MYO5C: variants seen among roughly 807,000 people sequenced by gnomAD.
MYO5C encodes myosin VC, also known as unconventional myosin-Vc.
In MYO5C, 194 loss-of-function variants were observed where a neutral mutation model predicts 235.7. The ratio of observed to expected loss-of-function variants is 0.82; its 90% CI spans 0.73 to 0.93. The LOEUF (loss-of-function observed/expected upper bound fraction) is 0.93. Ranked by LOEUF, MYO5C falls within the 40% of genes least tolerant of loss-of-function variation. The pLI is 0.00. For missense variants in MYO5C, 2,038 were observed against 2,127.2 expected, an observed-to-expected ratio of 0.96 and a Z score of 0.82; for synonymous variants, 707 against 754.8, an observed-to-expected ratio of 0.94 and a Z score of 1.04.
rs1273583349 is a variant in MYO5C at position 52,256,620 on chromosome 15, A to T, written c.1395+19T>A. 6.4e-7 allele frequency: 1 copy of T among 1,555,076 alleles called. No homozygotes were observed. The highest frequency in any genetic ancestry group is 8.7e-7 in the Non-Finnish European group (1 of 1,145,544). The stretch of plus-strand genomic sequence containing the variant: ...GCGCGCGGCTGAGAACTAGTCAAGA[A>T]GGCAGAAAGGTCACCTACCATGTTA... On this transcript the variant is annotated intron_variant, in intron 11 of 40. Transcript: ENST00000261839.
chr15:52,245,736 G>A (rs1210892260), intron 17 of MYO5C, among the ~76,000 whole-genome samples: 3 of 152,230 alleles, frequency 2.0e-5, no homozygotes, highest in South Asian at 2.1e-4. Flanking sequence ...ACCAGCAGCC[G>A]AGATGCAGTG....
At position 52,193,052 on chromosome 15, in the gene MYO5C, A is replaced by G. The variant is rs1286885190; in HGVS notation, c.*850T>C. ...AAGGGTCAGCCGGGCGCGGTGGCAC[A>G]CGCCTGTAATCCTAGCACTTTGGGA... On this transcript the variant is annotated 3_prime_UTR_variant, in exon 41 of 41. Transcript: ENST00000261839. 1 of 152,174 alleles carries G rather than the reference A, an allele frequency of 6.6e-6. No homozygotes were observed. Among genetic ancestry groups the G allele is most frequent in the Non-Finnish European group, 1.5e-5 (1 of 68,040 alleles). 9.4% of individuals were successfully genotyped at this position (152,174 alleles called of 1,614,324 possible). A position where few individuals can be genotyped will look rare whatever the true frequency, so the allele number is the denominator to read the frequency against.
At chr15:52,210,875 C>T (rs1295208211) in intron 35 of MYO5C, among the ~76,000 whole-genome samples, 1 of 152,200 alleles carries the variant, frequency 6.6e-6, no homozygotes, top group Non-Finnish European at 1.5e-5. Flanking sequence ...TGTTAGCCTT[C>T]ACAAAATCCC....
chr15:52,228,024 C>A (rs2035866744), intron 25 of MYO5C, among the ~76,000 whole-genome samples: 1 of 152,220 alleles, frequency 6.6e-6, no homozygotes, highest in South Asian at 2.1e-4. Context: ...GGAAACAATT[C>A]ACTTAAGCCT....
intron 15 of MYO5C, among the ~76,000 whole-genome samples, 153 bp downstream of exon 15, chr15:52,247,305 C>T (rs2036370983): frequency 6.6e-6 from 1 of 152,122 alleles, no homozygotes; most frequent in African/African-American, 2.4e-5. Context: ...AGTATGACGA[C>T]GATGAACTTT....
chr15:52,256,587 A>ACACACACACACACACACACACACG, intron 11 of MYO5C, 52 bp downstream of exon 11: 5 of 567,790 alleles, frequency 8.8e-6, no homozygotes, highest in African/African-American at 7.8e-5. Flanking sequence ...ACACACACAC[A>ACACACACACACACACACACACACG]CGCGCGCGCG....
At chr15:52,277,957 G>T (rs139418968) in intron 4 of MYO5C, 1 of 456,014 alleles carries the variant, frequency 2.2e-6, no homozygotes, top group Non-Finnish European at 4.4e-6. Context: ...CAGGAGCTGC[G>T]GCTGGGGTTA....
At chr15:52,238,095 T>C (rs749571517) in intron 21 of MYO5C, among the ~76,000 whole-genome samples, 3 of 152,036 alleles carry the variant, frequency 2.0e-5, no homozygotes, top group African/African-American at 7.3e-5. Context: ...GACACAGGCA[T>C]GGAGGGAAGA....
At chr15:52,246,743 G>C (rs541756901) in intron 16 of MYO5C, among the ~76,000 whole-genome samples, 174 bp downstream of exon 16, 49 of 152,176 alleles carry the variant, frequency 3.2e-4, no homozygotes, top group Non-Finnish European at 4.6e-4. Flanking sequence ...GAGATGAGGG[G>C]GTTTAACCAG....
At chr15:52,254,460 C>T (rs1419660670) in intron 11 of MYO5C, among the ~76,000 whole-genome samples, 1 of 152,134 alleles carries the variant, frequency 6.6e-6, no homozygotes, top group African/African-American at 2.4e-5. Flanking sequence ...GAGAAGGTGG[C>T]ACCGGCACTT....
At chr15:52,241,414 C>G (rs2036219670) in intron 20 of MYO5C, among the ~76,000 whole-genome samples, 1 of 151,950 alleles carries the variant, frequency 6.6e-6, no homozygotes, top group Non-Finnish European at 1.5e-5. Context: ...TGCCCGTCAC[C>G]ACACCCGGCT....
rs369114711 is a variant in MYO5C at position 52,244,413 on chromosome 15, C to T, written c.2333G>A (p.Arg778Gln). 1.1e-5 allele frequency: 18 copies of T among 1,613,938 alleles called. No homozygotes were observed. The highest frequency in any genetic ancestry group is 3.3e-5 in the Admixed American group (2 of 60,000). Residue 778 changes from arginine to glutamine, a missense_variant, in exon 19 of 41, where the codon CGA (arginine) becomes CAA (glutamine). Transcript: ENST00000261839. ...RGWLQRKKFL[R>Q]ERRAALIIQQ... ...GATTATCAGGGCGGCTCGTCTCTCT[C>T]GGAGGAATTTTTTCCTCTGGAGCCA...
chr15:52,233,592 C>A (rs1423280837), intron 23 of MYO5C, among the ~76,000 whole-genome samples: 1 of 152,128 alleles, frequency 6.6e-6, no homozygotes, highest in Non-Finnish European at 1.5e-5. Context: ...TCTGTGATAA[C>A]CAAGAAAATA....
intron 5 of MYO5C, among the ~76,000 whole-genome samples, chr15:52,273,412 G>C (rs1021584264): frequency 2.6e-5 from 4 of 152,158 alleles, no homozygotes; most frequent in Admixed American, 1.3e-4. Flanking sequence ...TCACTGTTAT[G>C]GACTGAATGT....
intron 1 of MYO5C, among the ~76,000 whole-genome samples, chr15:52,287,098 A>T (rs2140870395): frequency 6.6e-6 from 1 of 152,286 alleles, no homozygotes; most frequent in Admixed American, 6.5e-5. Flanking sequence ...TAAAACAGAA[A>T]AGTCACTGGA....
intron 4 of MYO5C, 50 bp from the exon 5 acceptor site, chr15:52,275,768 C>A (rs762965524): frequency 1.3e-6 from 2 of 1,574,562 alleles, no homozygotes; most frequent in East Asian, 4.5e-5. Flanking sequence ...ATTAAAGAGG[C>A]AACATGTGCT....
At chr15:52,245,824 G>T in intron 17 of MYO5C, 132 bp downstream of exon 17, 1 of 773,126 alleles carries the variant, frequency 1.3e-6, no homozygotes, top group Non-Finnish European at 2.2e-6. Context: ...CCACAGGGCA[G>T]TGGGAAAATC....
chr15:52,229,180 A>C lies in MYO5C; in HGVS notation c.3160T>G (p.Ser1054Ala). 6.2e-7 allele frequency: 1 copy of C among 1,614,218 alleles called. No homozygotes were observed. The highest frequency in any genetic ancestry group is 1.3e-5 in the African/African-American group (1 of 75,052). Residue 1054 changes from serine (S) to alanine (A), a missense_variant, in exon 25 of 41, where the codon TCT (serine) becomes GCT (alanine). By Grantham distance (99) the Ser-to-Ala change is moderately conservative. Transcript: ENST00000261839. ...GCCACTTCCGCCTTCAAGCCATCAG[A>C]AGTGACGTGCTCCCCCTCCACCAGG... The part of the protein sequence containing the change: ...QHLVEGEHVT[S>A]DGLKAEVARL...
rs2037487268 is a variant in MYO5C, at chr15:52,295,645, G to A, written c.-9C>T. ...AGCTCGGCCACCGCCATGGGCAGGA[G>A]GGGCCGGGGCCAGGCCGGGGCTGCC... On this transcript the variant is annotated 5_prime_UTR_variant, in exon 1 of 41. Transcript: ENST00000261839. 1.4e-6 allele frequency: 2 copies of A among 1,462,062 alleles called. No homozygotes were observed. Among genetic ancestry groups the A allele is most frequent in the South Asian group, 1.4e-5 (1 of 73,590 alleles). 90.6% of individuals were successfully genotyped at this position (1,462,062 alleles called of 1,614,324 possible). A position where few individuals can be genotyped will look rare whatever the true frequency, so the allele number is the denominator to read the frequency against.
Sources: gnomAD v4.1 joint callset for allele counts (sites outside exome capture counted in the v4.1 genomes callset) on GRCh38, gnomAD v4.1.1 for gene constraint, MANE v1.5 for transcripts, NCBI Gene and HGNC (gene_info 2026-07-23, HGNC 2026-07-21) for gene names.